Variants in ZFYVE9 observed in about 807,000 individuals in gnomAD.
The protein encoded by ZFYVE9 is zinc finger FYVE domain-containing protein 9.
Under a neutral mutation model 126.7 loss-of-function variants are expected in ZFYVE9, and 43 were observed. The ratio of observed to expected loss-of-function variants is 0.34; its 90% CI spans 0.27 to 0.44. ZFYVE9 has a LOEUF of 0.44. ZFYVE9 is among the 20% of genes least tolerant of loss of function. The pLI, the probability that ZFYVE9 is intolerant of heterozygous loss-of-function variation, is 1.00. For synonymous variants in ZFYVE9, 521 were observed against 597.4 expected (o/e 0.87, Z 1.87); for missense variants, 1,476 against 1,697.0 (o/e 0.87, Z 2.29).
intron 1 of ZFYVE9, among the ~76,000 whole-genome samples, chr1:52,201,053 A>T (rs1422019502): frequency 6.6e-6 from 1 of 152,176 alleles, no homozygotes; most frequent in Non-Finnish European, 1.5e-5. Flanking sequence ...GATTGTGTTG[A>T]ATCTGTAGAT....
chr1:52,337,091 C>T (rs1334335904), intron 15 of ZFYVE9, among the ~76,000 whole-genome samples: 2 of 151,922 alleles, frequency 1.3e-5, no homozygotes, highest in African/African-American at 2.4e-5. Context: ...TTCAGTGGAG[C>T]GATTGGCTGA....
chr1:52,162,756 T>A, intron 1 of ZFYVE9: 1 of 316,994 alleles, frequency 3.2e-6, no homozygotes, highest in Non-Finnish European at 6.2e-6. Flanking sequence ...CTGCCAGTAT[T>A]CTGGTGTATA....
rs567161140 is a variant in ZFYVE9, at chr1:52,173,638, CTT to C, written c.-143+31239_-143+31240del. Among the ~76,000 whole-genome samples the C allele has an allele frequency of 5.3e-3, 813 of 152,118 alleles. 11 individuals are homozygous for C. Among genetic ancestry groups the C allele is most frequent in the African/African-American group, 0.019 (788 of 41,520 alleles). On this transcript the variant is annotated intron_variant, in intron 1 of 18. Coordinates refer to ENST00000287727, the MANE Select transcript of ZFYVE9 (RefSeq NM_004799.4). ...CTGTGAATCCATCTGGTCCTGGACT[CTT>C]TTTGGTTGGTAAGCTGTTGATTATT...
rs553711696 is a variant in ZFYVE9, at chr1:52,334,865, G to A, written c.3670+97G>A. On this transcript the variant is annotated intron_variant, in intron 15 of 18. Transcript: ENST00000287727. ...CTGCTGTAGATGTCTGACTCCTACT[G>A]TTTTTTCAGTAGCATCTCTTCAGCA... 258 of 1,198,608 alleles carry A rather than the reference G, an allele frequency of 2.2e-4. 1 individual carries two copies. The highest frequency in any genetic ancestry group is 2.8e-4 in the Non-Finnish European group (235 of 831,558). The allele number at this position is 1,198,608 out of a possible 1,614,324, so 74.2% of individuals were successfully genotyped here.
intron 1 of ZFYVE9, chr1:52,180,459 G>A (rs529463587): frequency 1.7e-6 from 2 of 1,174,146 alleles, no homozygotes; most frequent in East Asian, 4.7e-5. Flanking sequence ...GAGGGACCTG[G>A]AGGAAAACCC....
At chr1:52,219,430 CT>C (rs1645102034) in intron 2 of ZFYVE9, among the ~76,000 whole-genome samples, 1 of 151,754 alleles carries the variant, frequency 6.6e-6, no homozygotes, top group East Asian at 1.9e-4. Context: ...TGGGTCCATG[CT>C]TTTTTGGCCG....
chr1:52,257,106 T>C (rs939989646), intron 4 of ZFYVE9, among the ~76,000 whole-genome samples: 1 of 152,194 alleles, frequency 6.6e-6, no homozygotes, highest in Admixed American at 6.5e-5. Context: ...AAGTGGTACT[T>C]TGAATATAAA....
At chr1:52,345,907 C>A (rs1646479274) in intron 18 of ZFYVE9, 153 bp from the exon 19 acceptor site, 2 of 721,772 alleles carry the variant, frequency 2.8e-6, no homozygotes, top group South Asian at 3.7e-5. Flanking sequence ...GATAAGTGAT[C>A]ACCCAGAAAA....
intron 13 of ZFYVE9, among the ~76,000 whole-genome samples, chr1:52,323,894 A>AT (rs1646265158): frequency 4.3e-5 from 3 of 69,376 alleles, no homozygotes; most frequent in African/African-American, 1.2e-4. Flanking sequence ...TCTACTAAAT[A>AT]CAAAAAAAAA....
chr1:52,314,439 T>C lies in ZFYVE9; in HGVS notation c.3438+10514T>C, dbSNP rs1646164072. ...ACTCACACCCATAATCCCAGCACTT[T>C]GGAAGGCCAAGATGGGCGGATCACT... On this transcript the variant is annotated intron_variant, in intron 13 of 18. Transcript: ENST00000287727. Among the ~76,000 whole-genome samples the C allele has an allele frequency of 2.6e-5, 4 of 152,182 alleles. No individual in the cohort carries two copies. The South Asian group carries it at 8.3e-4, about 32-fold the overall frequency.
At chr1:52,187,555 G>C (rs1212788686) in intron 1 of ZFYVE9, among the ~76,000 whole-genome samples, 1 of 152,168 alleles carries the variant, frequency 6.6e-6, no homozygotes. Flanking sequence ...TGCAAACTAT[G>C]CATCTGACAA....
At chr1:52,217,980 G>A (rs561318293) in intron 2 of ZFYVE9, among the ~76,000 whole-genome samples, 1 of 152,300 alleles carries the variant, frequency 6.6e-6, no homozygotes, top group African/African-American at 2.4e-5. Flanking sequence ...TGTAGTATAT[G>A]TGATTTATCC....
intron 1 of ZFYVE9, among the ~76,000 whole-genome samples, chr1:52,205,036 C>T (rs1053704984): frequency 6.7e-6 from 1 of 149,150 alleles, no homozygotes; most frequent in East Asian, 1.9e-4. Context: ...CTGTCTGTCC[C>T]TTCGAATTTG....
intron 13 of ZFYVE9, among the ~76,000 whole-genome samples, chr1:52,308,277 C>A (rs560659944): frequency 2.2e-4 from 33 of 152,006 alleles, no homozygotes; most frequent in Non-Finnish European, 4.0e-4. Context: ...ACTTCCTGGG[C>A]TCAAGTGATC....
intron 4 of ZFYVE9, among the ~76,000 whole-genome samples, chr1:52,243,039 A>T (rs1001332252): frequency 6.6e-6 from 1 of 152,144 alleles, no homozygotes; most frequent in Non-Finnish European, 1.5e-5. Context: ...ATTGCCTCTG[A>T]TTTGTCTTTG....
Position 52,334,585 on chromosome 1 carries a change from T to G in ZFYVE9, c.3590-103T>G, listed in dbSNP as rs189000483. On this transcript the variant is annotated intron_variant, in intron 14 of 18. Transcript: ENST00000287727. Reference sequence around the variant, plus strand: ...AGATTTGATTTTTTAAAATTTTCTGTGTGATGATGGTCGGAATTCTCAACT... The same window carrying G: ...AGATTTGATTTTTTAAAATTTTCTGGGTGATGATGGTCGGAATTCTCAACT... 312 of 1,193,544 alleles carry G rather than the reference T, an allele frequency of 2.6e-4. No individual in the cohort carries two copies. In the African/African-American group the frequency reaches 4.3e-3, roughly 17 times the overall value. 73.9% of individuals were successfully genotyped at this position (1,193,544 alleles called of 1,614,324 possible). A position where few individuals can be genotyped will look rare whatever the true frequency, so the allele number is the denominator to read the frequency against.
intron 15 of ZFYVE9, among the ~76,000 whole-genome samples, chr1:52,337,378 C>T (rs990393505): frequency 2.0e-5 from 3 of 152,194 alleles, no homozygotes; most frequent in African/African-American, 7.2e-5. Flanking sequence ...ATTTATTGGG[C>T]ATTCACTGTA....
chr1:52,180,975 CA>C (rs746468501), intron 1 of ZFYVE9, among the ~76,000 whole-genome samples: 3,723 of 53,312 alleles, frequency 0.07, 70 homozygotes, highest in African/African-American at 0.14. Context: ...AACTCCGTCT[CA>C]AAAAAAAAAA....
chr1:52,228,079 T>A (rs544132846), intron 2 of ZFYVE9, among the ~76,000 whole-genome samples: 21 of 152,224 alleles, frequency 1.4e-4, no homozygotes, highest in East Asian at 1.9e-4. Flanking sequence ...TTTAGAATTT[T>A]TTTATTTATT....
Sources: gnomAD v4.1 joint callset for allele counts (sites outside exome capture counted in the v4.1 genomes callset) on GRCh38, gnomAD v4.1.1 for gene constraint, MANE v1.5 for transcripts, NCBI Gene and HGNC (gene_info 2026-07-23, HGNC 2026-07-21) for gene names.